EWSR1: variants seen among roughly 807,000 people sequenced by gnomAD.
EWSR1 encodes the protein RNA-binding protein EWS.
EWSR1 carries 14 observed loss-of-function variants against 92.1 expected under a neutral mutation model. The observed-to-expected ratio is 0.15, with a 90% CI of 0.10 to 0.24. EWSR1 has a LOEUF of 0.24. Ranked by LOEUF, EWSR1 falls within the 10% of genes least tolerant of loss-of-function variation. EWSR1 has a pLI of 1.00. For synonymous variants in EWSR1, 303 were observed against 292.9 expected (o/e 1.03, Z -0.35); for missense variants, 637 against 870.9 (o/e 0.73, Z 3.38).
chr22:29,296,975 G>T (rs1226104264), intron 12 of EWSR1, among the ~76,000 whole-genome samples: 4 of 152,328 alleles, frequency 2.6e-5, no homozygotes, highest in East Asian at 1.9e-4. Flanking sequence ...CTTGAGCCCG[G>T]AGAGTTTGAA....
At chr22:29,273,206 C>G (rs1428157223) in intron 3 of EWSR1, among the ~76,000 whole-genome samples, 1 of 152,228 alleles carries the variant, frequency 6.6e-6, no homozygotes, top group Non-Finnish European at 1.5e-5. Context: ...ATACAGCGTT[C>G]TGGTTCATTT....
chr22:29,273,426 T>C (rs1409766130), intron 3 of EWSR1, among the ~76,000 whole-genome samples: 1 of 152,224 alleles, frequency 6.6e-6, no homozygotes. Flanking sequence ...GAGTGTCTTG[T>C]TAATCTCATG....
At chr22:29,296,499 C>T in intron 12 of EWSR1, 131 bp downstream of exon 12, 1 of 968,678 alleles carries the variant, frequency 1.0e-6, no homozygotes, top group South Asian at 1.6e-5. Flanking sequence ...GGTCTCCCTG[C>T]AGTAGTAGTA....
chr22:29,285,648 C>G (rs2059967305), intron 6 of EWSR1, among the ~76,000 whole-genome samples: 1 of 151,224 alleles, frequency 6.6e-6, no homozygotes, highest in African/African-American at 2.5e-5. Flanking sequence ...GTACCCTTAT[C>G]CCTTCAGAAA....
chr22:29,273,561 A>G (rs1260802327), intron 3 of EWSR1, among the ~76,000 whole-genome samples, 180 bp from the exon 4 acceptor site: 1 of 152,190 alleles, frequency 6.6e-6, no homozygotes, highest in Non-Finnish European at 1.5e-5. Context: ...TGAGTGAACC[A>G]GATAAGGGAT....
chr22:29,271,415 G>T (rs976777375), intron 1 of EWSR1, among the ~76,000 whole-genome samples: 6 of 152,154 alleles, frequency 3.9e-5, no homozygotes, highest in Non-Finnish European at 7.4e-5. Flanking sequence ...CATAGGAAAA[G>T]GAAAATTATA....
intron 8 of EWSR1, chr22:29,290,386 A>G: frequency 3.1e-6 from 5 of 1,588,180 alleles, no homozygotes; most frequent in Non-Finnish European, 4.3e-6. Flanking sequence ...ACTTTTTAAC[A>G]TGCTTTGTCG....
rs751085860 is a variant in EWSR1 at position 29,273,871 on chromosome 22, C to T, written c.226+7C>T. The T allele has an allele frequency of 6.2e-7, 1 of 1,613,438 alleles. No homozygotes were observed. Among genetic ancestry groups the T allele is most frequent in the African/African-American group, 1.3e-5 (1 of 74,868 alleles). On this transcript the variant is annotated splice_region_variant and intron_variant, in intron 4 of 16. Transcript: ENST00000397938. ...TATGGACAGCCTCCCACTGGTAAGGCCTGCCTTGGAGAGATTTTTGGGTCG... is the reference window on the plus strand; with the variant it reads ...TATGGACAGCCTCCCACTGGTAAGGTCTGCCTTGGAGAGATTTTTGGGTCG...
chr22:29,273,357 CTG>C (rs1442587652), intron 3 of EWSR1, among the ~76,000 whole-genome samples: 9 of 152,212 alleles, frequency 5.9e-5, no homozygotes, highest in Non-Finnish European at 1.2e-4. Context: ...ATCACTAAAA[CTG>C]TGCTACGCTA....
Position 29,300,363 on chromosome 22 carries a change from C to CTTTTAAAAATGGTTGTTTAAGACTTTA in EWSR1, c.*203_*229dup, listed in dbSNP as rs2061255004. The CTTTTAAAAATGGTTGTTTAAGACTTTA allele has an allele frequency of 1.5e-5, 8 of 526,242 alleles. No homozygotes were observed. In the East Asian group the frequency reaches 2.6e-4, roughly 17 times the overall value. The allele number at this position is 526,242 out of a possible 1,614,324, so 32.6% of individuals were successfully genotyped here. ...TGTGCGGAGTTTTTTTTTCTTCCTT[C>CTTTTAAAAATGGTTGTTTAAGACTTTA]TTTTAAAAATGGTTGTTTAAGACTT... On this transcript the variant is annotated 3_prime_UTR_variant, in exon 17 of 17. Coordinates refer to ENST00000397938, the MANE Select transcript of EWSR1 (RefSeq NM_005243.4).
intron 1 of EWSR1, among the ~76,000 whole-genome samples, chr22:29,270,309 A>G (rs964321467): frequency 6.6e-6 from 1 of 152,226 alleles, no homozygotes. Context: ...ACTCGCAGCA[A>G]TCTAGAACCC....
intron 6 of EWSR1, among the ~76,000 whole-genome samples, chr22:29,284,392 T>G (rs541969422): frequency 6.6e-6 from 1 of 151,536 alleles, no homozygotes; most frequent in South Asian, 2.1e-4. Flanking sequence ...TTTCATTGTT[T>G]TGCAGCAGAT....
At chr22:29,275,857 CT>C in intron 4 of EWSR1, 1 of 231,262 alleles carries the variant, frequency 4.3e-6, no homozygotes, top group Non-Finnish European at 8.5e-6. Flanking sequence ...TTCTTACCAC[CT>C]TTTTCCTTCA....
chr22:29,288,936 G>T, intron 8 of EWSR1, 150 bp downstream of exon 8: 1 of 741,570 alleles, frequency 1.3e-6, no homozygotes. Context: ...ACATGGAAAT[G>T]TCATCTTTGT....
Position 29,274,426 on chromosome 22 carries a change from T to G in EWSR1, c.226+562T>G, listed in dbSNP as rs910750976. 4 of 825,498 alleles carry G rather than the reference T, an allele frequency of 4.8e-6. No individual in the cohort carries two copies. In the African/African-American group the frequency reaches 6.8e-5, roughly 14 times the overall value. 51.1% of individuals were successfully genotyped at this position (825,498 alleles called of 1,614,324 possible). ...AGCAAGGTGCTAATGAAAAACTGCT[T>G]CAGGTGCCATTTGCAGATCCATGTC... On this transcript the variant is annotated intron_variant, in intron 4 of 16. Coordinates refer to ENST00000397938, the MANE Select transcript of EWSR1 (RefSeq NM_005243.4).
intron 15 of EWSR1, 60 bp from the exon 16 acceptor site, chr22:29,299,539 T>C: frequency 6.6e-7 from 1 of 1,526,274 alleles, no homozygotes; most frequent in East Asian, 2.3e-5. Flanking sequence ...GCTTCCACAG[T>C]GTCCACAGGG....
chr22:29,300,026 ACCG>A, intron 16 of EWSR1, 93 bp from the exon 17 acceptor site: 1 of 914,732 alleles, frequency 1.1e-6, no homozygotes, highest in Non-Finnish European at 1.6e-6. Context: ...TCCCATTCTA[ACCG>A]ATTGGGAGGA....
intron 11 of EWSR1, among the ~76,000 whole-genome samples, chr22:29,294,720 C>G (rs2060714312): frequency 6.6e-6 from 1 of 151,990 alleles, no homozygotes; most frequent in Non-Finnish European, 1.5e-5. Flanking sequence ...TCGAGACCAT[C>G]CTGGCCAACG....
At chr22:29,287,239 A>G in intron 7 of EWSR1, 105 bp downstream of exon 7, 2 of 1,143,136 alleles carry the variant, frequency 1.7e-6, no homozygotes, top group Non-Finnish European at 2.5e-6. Flanking sequence ...ATGGAGTTTC[A>G]CTCTTGGGGC....
Sources: allele counts gnomAD v4.1 joint callset (sites outside exome capture counted in the v4.1 genomes callset), GRCh38; gene constraint gnomAD v4.1.1; transcripts MANE v1.5; gene names NCBI Gene and HGNC (gene_info 2026-07-23, HGNC 2026-07-21).